Variants in STIP1 observed in about 807,000 individuals in gnomAD.
STIP1 encodes stress induced phosphoprotein 1.
Under a neutral mutation model 77.4 loss-of-function variants are expected in STIP1, and 16 were observed. That is an observed-to-expected ratio of 0.21 (90% CI 0.14 to 0.31). The LOEUF (loss-of-function observed/expected upper bound fraction) is 0.31. Among genes scored for constraint, STIP1 ranks in the 10% least tolerant of loss-of-function variants. The pLI is 1.00. For synonymous variants in STIP1, 258 were observed against 246.6 expected (o/e 1.05, Z -0.44); for missense variants, 524 against 684.8 (o/e 0.77, Z 2.62).
chr11:64,188,370 G>A (rs1024633580), intron 1 of STIP1, among the ~76,000 whole-genome samples: 2 of 151,012 alleles, frequency 1.3e-5, no homozygotes, highest in African/African-American at 4.9e-5. Flanking sequence ...GAAAAGAAAC[G>A]ATTTCTGTTA....
chr11:64,195,580 G>C, intron 4 of STIP1, 65 bp from the exon 5 acceptor site: 1 of 1,461,166 alleles, frequency 6.8e-7, no homozygotes, highest in Non-Finnish European at 9.2e-7. Context: ...GTAAGTGGGA[G>C]TTAAAAGACT....
At chr11:64,186,014 G>T, upstream of STIP1, 1 of 1,544,280 alleles carries the variant, frequency 6.5e-7, no homozygotes, top group African/African-American at 1.4e-5. Flanking sequence ...AGGTGCGGGG[G>T]AGGCAGGGTT....
chr11:64,197,133 C>T (rs2236647), intron 5 of STIP1, 138 bp from the exon 6 acceptor site: 505,754 of 1,097,512 alleles, frequency 0.46, 120,404 homozygotes, highest in African/African-American at 0.72. Flanking sequence ...CTATAGCTGA[C>T]TGATGAAGAG....
intron 8 of STIP1, among the ~76,000 whole-genome samples, chr11:64,198,344 C>T (rs774823754): frequency 3.9e-5 from 6 of 152,124 alleles, no homozygotes; most frequent in Admixed American, 2.0e-4. Flanking sequence ...TCCCGAATTG[C>T]TAAGACTACA....
In STIP1 at chr11:64,197,890, A is replaced by C. The variant is rs367749060; in HGVS notation, c.939A>C (p.Glu313Asp). Residue 313 changes from glutamate (E) to aspartate (D), a missense_variant, in exon 8 of 14, where the codon GAA (glutamate) becomes GAC (aspartate). By Grantham distance (45) the Glu-to-Asp change is conservative. Coordinates refer to ENST00000305218, the MANE Select transcript of STIP1 (RefSeq NM_006819.3). ...YARIGNSYFK[E>D]EKYKDAIHFY... ...GAATTGGCAACTCCTACTTCAAAGA[A>C]GAAAAGTACAAGGATGCCATCCATT... The C allele has an allele frequency of 1.2e-6, 2 of 1,612,492 alleles. No homozygotes were observed. Among genetic ancestry groups the C allele is most frequent in the African/African-American group, 2.7e-5 (2 of 74,890 alleles).
At chr11:64,188,300 C>T (rs1030236419) in intron 1 of STIP1, among the ~76,000 whole-genome samples, 4 of 149,754 alleles carry the variant, frequency 2.7e-5, no homozygotes, top group South Asian at 2.1e-4. Flanking sequence ...GCTGTGATCA[C>T]GCCACTGCAC....
intron 8 of STIP1, among the ~76,000 whole-genome samples, chr11:64,198,740 G>GTT (rs1008356705): frequency 1.0e-5 from 1 of 95,328 alleles, no homozygotes. Flanking sequence ...GTGATCTGGT[G>GTT]TTTTTTTTTG....
At chr11:64,185,698 A>T, upstream of STIP1, 2 of 1,285,390 alleles carry the variant, frequency 1.6e-6, no homozygotes, top group Non-Finnish European at 2.1e-6. Flanking sequence ...TGCAGCCGGT[A>T]CTCCCATATA....
At chr11:64,186,977 C>T (rs1591001443) in intron 1 of STIP1, among the ~76,000 whole-genome samples, 1 of 152,116 alleles carries the variant, frequency 6.6e-6, no homozygotes, top group Admixed American at 6.5e-5. Flanking sequence ...TGCGGCCCCT[C>T]CCCCTCTTTT....
In STIP1 at chr11:64,204,455, G is replaced by T; in HGVS notation, c.*329G>T. On this transcript the variant is annotated 3_prime_UTR_variant, in exon 14 of 14. Coordinates refer to ENST00000305218, the MANE Select transcript of STIP1 (RefSeq NM_006819.3). ...TGGGCATGTTATGGGGAGGGGAGGG[G>T]GTTCTTCCAGCCTCAGGTCCCAGCT... 5.8e-6 allele frequency: 2 copies of T among 346,492 alleles called. No individual in the cohort carries two copies. Among genetic ancestry groups the T allele is most frequent in the East Asian group, 4.9e-5 (1 of 20,616 alleles). The allele number at this position is 346,492 out of a possible 1,614,324, so 21.5% of individuals were successfully genotyped here.
chr11:64,193,818 C>CA (rs1365806137), intron 2 of STIP1, among the ~76,000 whole-genome samples: 1 of 152,122 alleles, frequency 6.6e-6, no homozygotes, highest in Non-Finnish European at 1.5e-5. Flanking sequence ...TACAGTGGCT[C>CA]ACGCCTATAA....
intron 8 of STIP1, among the ~76,000 whole-genome samples, chr11:64,199,114 C>T (rs1194425435): frequency 1.3e-5 from 2 of 151,036 alleles, no homozygotes; most frequent in East Asian, 2.0e-4. Flanking sequence ...GCAGGAGAAT[C>T]GCTTGAACTC....
At chr11:64,200,123 G>A (rs1946200989) in intron 9 of STIP1, 46 bp from the exon 10 acceptor site, 1 of 1,611,252 alleles carries the variant, frequency 6.2e-7, no homozygotes, top group Non-Finnish European at 8.5e-7. Context: ...GCTACACATG[G>A]GGGCTTTTTG....
chr11:64,189,088 C>T (rs943180239), intron 1 of STIP1, among the ~76,000 whole-genome samples: 3 of 152,144 alleles, frequency 2.0e-5, no homozygotes, highest in African/African-American at 4.8e-5. Flanking sequence ...CTGGGCCGGG[C>T]GTGCTGGCTC....
intron 8 of STIP1, among the ~76,000 whole-genome samples, chr11:64,199,130 G>C (rs1591013018): frequency 2.0e-5 from 3 of 151,630 alleles, no homozygotes; most frequent in South Asian, 4.2e-4. Context: ...AACTCAGTGG[G>C]GCGGAGGTTG....
chr11:64,201,478 G>A (rs1187977016), intron 10 of STIP1, among the ~76,000 whole-genome samples: 2 of 152,234 alleles, frequency 1.3e-5, no homozygotes, highest in African/African-American at 4.8e-5. Flanking sequence ...GTTTGACACT[G>A]TGGAGTTCCC....
rs1191738088 is a variant in STIP1, at chr11:64,197,884, C to G, written c.933C>G (p.Phe311Leu). The G allele has an allele frequency of 6.2e-7, 1 of 1,612,352 alleles. No individual in the cohort carries two copies. Among genetic ancestry groups the G allele is most frequent in the Admixed American group, 1.7e-5 (1 of 59,988 alleles). The change falls in exon 8 of 14, where the codon TTC (phenylalanine) becomes TTG (leucine). Residue 311 changes from phenylalanine to leucine, a missense_variant. By Grantham distance (22) the Phe-to-Leu change is conservative. Transcript: ENST00000305218. ...ATGCTCGAATTGGCAACTCCTACTT[C>G]AAAGAAGAAAAGTACAAGGATGCCA... ...KAYARIGNSY[F>L]KEEKYKDAIH...
intron 1 of STIP1, among the ~76,000 whole-genome samples, chr11:64,188,976 G>A (rs1020588833): frequency 6.6e-6 from 1 of 152,200 alleles, no homozygotes; most frequent in South Asian, 2.1e-4. Context: ...CAGCACTTTG[G>A]GAGGCCGAGG....
chr11:64,196,467 A>G (rs970754001), intron 5 of STIP1, among the ~76,000 whole-genome samples: 11 of 149,754 alleles, frequency 7.3e-5, no homozygotes, highest in Non-Finnish European at 1.2e-4. Context: ...GAGCTGCGGG[A>G]GTTGCCCTTC....
Sources: gnomAD v4.1 joint callset for allele counts (sites outside exome capture counted in the v4.1 genomes callset) on GRCh38, gnomAD v4.1.1 for gene constraint, MANE v1.5 for transcripts, NCBI Gene and HGNC (gene_info 2026-07-23, HGNC 2026-07-21) for gene names.